SLC17A6: variants seen among roughly 807,000 people sequenced by gnomAD.
The protein encoded by SLC17A6 is vesicular glutamate transporter 2.
In SLC17A6, 35 loss-of-function variants were observed where a neutral mutation model predicts 67.1. The observed-to-expected ratio is 0.52, with a 90% CI of 0.40 to 0.69. SLC17A6 has a LOEUF of 0.69. Among genes scored for constraint, SLC17A6 ranks in the 30% least tolerant of loss-of-function variants. The pLI, the probability that SLC17A6 is intolerant of heterozygous loss-of-function variation, is 0.00. For synonymous variants in SLC17A6, 285 were observed against 252.3 expected, an observed-to-expected ratio of 1.13 and a Z score of -1.23; for missense variants, 588 against 723.9, an observed-to-expected ratio of 0.81 and a Z score of 2.15.
chr11:22,353,449 A>G (rs1282386755), intron 3 of SLC17A6, among the ~76,000 whole-genome samples: 3 of 152,240 alleles, frequency 2.0e-5, no homozygotes, highest in Admixed American at 6.5e-5. Flanking sequence ...AATGAGGCTA[A>G]AAGAATTTAA....
chr11:22,348,747 C>A (rs1030969075), intron 3 of SLC17A6, among the ~76,000 whole-genome samples: 3 of 152,012 alleles, frequency 2.0e-5, no homozygotes, highest in African/African-American at 7.3e-5. Flanking sequence ...AAAAGCATGG[C>A]TTTAAAATTT....
chr11:22,371,266 A>C (rs1248955203), intron 8 of SLC17A6, among the ~76,000 whole-genome samples: 1 of 152,010 alleles, frequency 6.6e-6, no homozygotes, highest in Non-Finnish European at 1.5e-5. Flanking sequence ...ATCTCTCTTC[A>C]TGTCATTACA....
chr11:22,379,183 GTC>G lies in SLC17A6; in HGVS notation c.*1444_*1445del, dbSNP rs1856269166. 1 of 152,274 alleles carries G rather than the reference GTC, an allele frequency of 6.6e-6. No homozygotes were observed. Among genetic ancestry groups the G allele is most frequent in the South Asian group, 2.1e-4 (1 of 4,808 alleles). 9.4% of individuals were successfully genotyped at this position (152,274 alleles called of 1,614,324 possible). On this transcript the variant is annotated 3_prime_UTR_variant, in exon 12 of 12. Coordinates refer to ENST00000263160, the MANE Select transcript of SLC17A6 (RefSeq NM_020346.3). ...AGCTAACATCAGACCCCTTTATAAT[GTC>G]CTAAAATTATGATAATACATTTCCC...
chr11:22,369,614 C>T (rs1251543084), intron 7 of SLC17A6, among the ~76,000 whole-genome samples: 1 of 151,724 alleles, frequency 6.6e-6, no homozygotes, highest in Non-Finnish European at 1.5e-5. Context: ...TTCATGAATA[C>T]ATTGGATTTT....
intron 3 of SLC17A6, 68 bp from the exon 4 acceptor site, chr11:22,359,345 A>G: frequency 1.1e-6 from 1 of 910,570 alleles, no homozygotes. Flanking sequence ...ACTTCTCCTG[A>G]GAAATTTAGA....
In SLC17A6 at chr11:22,379,317, T is replaced by C. The variant is rs1856270301; in HGVS notation, c.*1577T>C. 6.6e-6 allele frequency: 1 copy of C among 152,158 alleles called. No individual in the cohort carries two copies. Among genetic ancestry groups the C allele is most frequent in the South Asian group, 2.1e-4 (1 of 4,818 alleles). The allele number at this position is 152,158 out of a possible 1,614,324, so 9.4% of individuals were successfully genotyped here. ...GCCCTGCTACTGCAAATATAAAACATAAAGTTTGTTTAAAAAAATGCAAAT... is the reference window on the plus strand; with the variant it reads ...GCCCTGCTACTGCAAATATAAAACACAAAGTTTGTTTAAAAAAATGCAAAT... On this transcript the variant is annotated 3_prime_UTR_variant, in exon 12 of 12. Transcript: ENST00000263160.
chr11:22,341,848 G>T, intron 2 of SLC17A6, 68 bp downstream of exon 2: 1 of 1,554,182 alleles, frequency 6.4e-7, no homozygotes, highest in Non-Finnish European at 8.7e-7. Context: ...CACATCTCCT[G>T]TTTGAGCCCC....
At position 22,341,659 on chromosome 11, in the gene SLC17A6, T is replaced by C. The variant is rs771518658; in HGVS notation, c.218T>C (p.Ile73Thr). The change falls in exon 2 of 12, where the codon ATC (isoleucine) becomes ACC (threonine). Residue 73 changes from isoleucine (I) to threonine (T), a missense_variant. Coordinates refer to ENST00000263160, the MANE Select transcript of SLC17A6 (RefSeq NM_020346.3). The part of the protein sequence containing the change: ...TCFGLPRRYI[I>T]AIMSGLGFCI... ...TTCGGCCTGCCCCGCCGCTACATTA[T>C]CGCCATCATGAGCGGCCTGGGCTTC... The C allele has an allele frequency of 1.2e-5, 19 of 1,614,096 alleles. No homozygotes were observed. Among genetic ancestry groups the C allele is most frequent in the Non-Finnish European group, 1.4e-5 (17 of 1,180,046 alleles).
At chr11:22,374,629 T>C in intron 8 of SLC17A6, 126 bp from the exon 9 acceptor site, 1 of 761,702 alleles carries the variant, frequency 1.3e-6, no homozygotes, top group Non-Finnish European at 2.0e-6. Context: ...AAGTGATCAT[T>C]TGGAAAGATT....
chr11:22,341,499 C>T lies in SLC17A6; in HGVS notation c.87-29C>T, dbSNP rs776555894. On this transcript the variant is annotated intron_variant, in intron 1 of 11. Coordinates refer to ENST00000263160, the MANE Select transcript of SLC17A6 (RefSeq NM_020346.3). Reference sequence around the variant, plus strand: ...ATCGGGGGTACCTAAGCCGCCAAGTCCTTGACTCGCCCCTGCTCTGCCGCG... The same window carrying T: ...ATCGGGGGTACCTAAGCCGCCAAGTTCTTGACTCGCCCCTGCTCTGCCGCG... 5.0e-6 allele frequency: 8 copies of T among 1,606,122 alleles called. No individual in the cohort carries two copies. In the South Asian group the frequency reaches 6.6e-5, roughly 13 times the overall value.
At chr11:22,357,533 A>G (rs1856004767) in intron 3 of SLC17A6, among the ~76,000 whole-genome samples, 1 of 152,172 alleles carries the variant, frequency 6.6e-6, no homozygotes, top group African/African-American at 2.4e-5. Flanking sequence ...AGTACACAGG[A>G]CAGCACTCCA....
In SLC17A6 at chr11:22,362,834, T is replaced by C. The variant is rs756342959; in HGVS notation, c.748+9T>C. On this transcript the variant is annotated intron_variant, in intron 6 of 11. Transcript: ENST00000263160. ...AGTGTTTTATGTCTACGGTATGTTA[T>C]ATTTCTATGCAATAGAGTTAAAGGA... is the stretch of plus-strand genomic sequence containing the variant. The C allele has an allele frequency of 5.3e-5, 86 of 1,608,942 alleles. No homozygotes were observed. Among genetic ancestry groups the C allele is most frequent in the Middle Eastern group, 1.6e-4 (1 of 6,064 alleles).
intron 6 of SLC17A6, 65 bp from the exon 7 acceptor site, chr11:22,365,482 A>T: frequency 6.7e-7 from 1 of 1,502,010 alleles, no homozygotes; most frequent in Non-Finnish European, 9.3e-7. Flanking sequence ...AGATGATTGC[A>T]GTTTTATTGC....
chr11:22,341,630 G>C lies in SLC17A6; in HGVS notation c.189G>C (p.Thr63=), dbSNP rs746093611. Reference sequence around the variant, plus strand: ...GGAAGGCGCCGCTGTGCGACTGCACGTGCTTCGGCCTGCCCCGCCGCTACA... The same window carrying C: ...GGAAGGCGCCGCTGTGCGACTGCACCTGCTTCGGCCTGCCCCGCCGCTACA... ...PERKAPLCDC[T]CFGLPRRYII... is the part of the protein sequence containing the mutation. The change falls in exon 2 of 12, where the codon ACG becomes ACC. Residue 63 remains threonine (T), a synonymous_variant. Coordinates refer to ENST00000263160, the MANE Select transcript of SLC17A6 (RefSeq NM_020346.3). 2 of 1,614,000 alleles carry C rather than the reference G, an allele frequency of 1.2e-6. No individual in the cohort carries two copies. The highest frequency in any genetic ancestry group is 1.7e-5 in the Admixed American group (1 of 60,024).
At chr11:22,356,320 A>T (rs992166644) in intron 3 of SLC17A6, among the ~76,000 whole-genome samples, 1 of 152,188 alleles carries the variant, frequency 6.6e-6, no homozygotes, top group Non-Finnish European at 1.5e-5. Context: ...GGCTGCTTCA[A>T]TTTTGGCTGT....
intron 10 of SLC17A6, 64 bp downstream of exon 10, chr11:22,376,156 C>G: frequency 9.8e-7 from 1 of 1,016,780 alleles, no homozygotes; most frequent in Non-Finnish European, 1.5e-6. Context: ...ATAAAAGACA[C>G]ATACATATAC....
At chr11:22,376,480 T>C (rs1333246895) in intron 10 of SLC17A6, 65 bp from the exon 11 acceptor site, 6 of 1,586,836 alleles carry the variant, frequency 3.8e-6, no homozygotes, top group Non-Finnish European at 5.2e-6. Context: ...GATGTGTGGT[T>C]CTATAGGTAT....
At chr11:22,342,330 G>T (rs1313181104) in intron 2 of SLC17A6, among the ~76,000 whole-genome samples, 1 of 152,084 alleles carries the variant, frequency 6.6e-6, no homozygotes, top group Non-Finnish European at 1.5e-5. Context: ...GGAGGGTCAC[G>T]TCAAGGTCAC....
At chr11:22,344,986 A>T (rs117342860) in intron 3 of SLC17A6, among the ~76,000 whole-genome samples, 4 of 152,184 alleles carry the variant, frequency 2.6e-5, no homozygotes, top group Admixed American at 2.6e-4. Context: ...GAGAAAAAAA[A>T]ATCCAACAAT....
Sources: gnomAD v4.1 joint callset for allele counts (sites outside exome capture counted in the v4.1 genomes callset) on GRCh38, gnomAD v4.1.1 for gene constraint, MANE v1.5 for transcripts, NCBI Gene and HGNC (gene_info 2026-07-23, HGNC 2026-07-21) for gene names.